Variants in ROBO2 observed in about 807,000 individuals in gnomAD.
ROBO2 encodes roundabout guidance receptor 2.
A neutral mutation model predicts 160.8 loss-of-function variants in ROBO2; 53 were observed. The observed-to-expected ratio is 0.33, with a 90% confidence interval of 0.26 to 0.41. ROBO2 has a LOEUF of 0.41. Among genes scored for constraint, ROBO2 ranks in the 10% least tolerant of loss-of-function variants. The pLI is 1.00. For missense variants in ROBO2, 1,577 were observed against 1,722.4 expected, an observed-to-expected ratio of 0.92 and a Z score of 1.49; for synonymous variants, 664 against 611.7, an observed-to-expected ratio of 1.09 and a Z score of -1.26.
chr3:76,435,914 G>A (rs544388642), intron 2 of ROBO2, among the ~76,000 whole-genome samples: 1 of 152,132 alleles, frequency 6.6e-6, no homozygotes. Flanking sequence ...CGAGGCAGGG[G>A]TTGCACTGGA....
At chr3:77,624,221 ACT>A (rs1288506784) in intron 23 of ROBO2, among the ~76,000 whole-genome samples, 2 of 151,452 alleles carry the variant, frequency 1.3e-5, no homozygotes, top group Non-Finnish European at 2.9e-5. Context: ...CCAAATACAA[ACT>A]CACTTTTTTT....
intron 2 of ROBO2, among the ~76,000 whole-genome samples, chr3:76,206,810 G>A (rs1478921641): frequency 6.6e-6 from 1 of 152,136 alleles, no homozygotes; most frequent in Non-Finnish European, 1.5e-5. Context: ...TGAGAATAGA[G>A]GGTAGTAATG....
chr3:76,847,038 G>A (rs186428267), intron 2 of ROBO2, among the ~76,000 whole-genome samples: 25 of 152,072 alleles, frequency 1.6e-4, no homozygotes, highest in African/African-American at 6.0e-4. Flanking sequence ...AAAACCACTG[G>A]TCTACTTTGT....
At chr3:77,109,251 A>G (rs1283289657) in intron 2 of ROBO2, among the ~76,000 whole-genome samples, 2 of 152,206 alleles carry the variant, frequency 1.3e-5, no homozygotes, top group Admixed American at 1.3e-4. Flanking sequence ...TTTGATGGGT[A>G]TAGAGTTTCA....
intron 2 of ROBO2, among the ~76,000 whole-genome samples, chr3:76,483,588 T>C (rs911202346): frequency 2.0e-5 from 3 of 152,184 alleles, no homozygotes; most frequent in African/African-American, 7.2e-5. Context: ...CATCACACAT[T>C]TGAAGTTACT....
chr3:76,854,041 T>C (rs188721658), intron 2 of ROBO2, among the ~76,000 whole-genome samples: 1,134 of 88,838 alleles, frequency 0.013, 22 homozygotes, highest in African/African-American at 0.041. Context: ...TCTCTCTCTC[T>C]CTCTCTCTCT....
intron 2 of ROBO2, among the ~76,000 whole-genome samples, chr3:75,948,910 T>A (rs1228321381): frequency 1.3e-5 from 2 of 152,148 alleles, no homozygotes; most frequent in Non-Finnish European, 2.9e-5. Context: ...CTGGTTAACA[T>A]CTGTTAGGAC....
intron 2 of ROBO2, among the ~76,000 whole-genome samples, chr3:76,645,842 A>G (rs2109791417): frequency 6.6e-6 from 1 of 152,330 alleles, no homozygotes; most frequent in Non-Finnish European, 1.5e-5. Flanking sequence ...AACAATTACT[A>G]CAGTATGTAT....
intron 2 of ROBO2, among the ~76,000 whole-genome samples, chr3:76,017,987 T>G (rs554954070): frequency 6.6e-6 from 1 of 152,202 alleles, no homozygotes; most frequent in East Asian, 1.9e-4. Flanking sequence ...TTGCCAACAT[T>G]TAGGGAAATT....
intron 2 of ROBO2, among the ~76,000 whole-genome samples, chr3:76,680,078 G>C (rs1361748125): frequency 6.6e-6 from 1 of 152,092 alleles, no homozygotes; most frequent in East Asian, 1.9e-4. Context: ...TGCAAAGAAA[G>C]ATGATTAGAA....
intron 2 of ROBO2, among the ~76,000 whole-genome samples, chr3:76,924,032 CT>C (rs1465964354): frequency 9.2e-5 from 14 of 152,138 alleles, no homozygotes; most frequent in Admixed American, 5.2e-4. Flanking sequence ...TGTTTAATCA[CT>C]TTTTTTCCAC....
chr3:77,427,159 TAACCTGAAAACCACTGG>T (rs2078292466), intron 2 of ROBO2, among the ~76,000 whole-genome samples: 2 of 152,200 alleles, frequency 1.3e-5, no homozygotes. Flanking sequence ...GGGATGAGGT[TAACCTGAAAACCACTGG>T]ATTCAGGATT....
At chr3:76,068,121 G>A (rs1397344117) in intron 2 of ROBO2, among the ~76,000 whole-genome samples, 1 of 152,144 alleles carries the variant, frequency 6.6e-6, no homozygotes, top group African/African-American at 2.4e-5. Flanking sequence ...AAGACGCAAA[G>A]GAACAGAGAA....
intron 2 of ROBO2, among the ~76,000 whole-genome samples, chr3:76,107,831 A>C (rs1390632777): frequency 6.6e-6 from 1 of 152,122 alleles, no homozygotes; most frequent in Non-Finnish European, 1.5e-5. Flanking sequence ...AATGAATTAG[A>C]AACTCAAAGT....
At chr3:76,254,764 A>G (rs1305748609) in intron 2 of ROBO2, among the ~76,000 whole-genome samples, 3 of 151,848 alleles carry the variant, frequency 2.0e-5, no homozygotes, top group Non-Finnish European at 2.9e-5. Flanking sequence ...AGAACAAATA[A>G]AACTGAGGGA....
At chr3:77,611,680 C>T (rs2094646010) in intron 21 of ROBO2, among the ~76,000 whole-genome samples, 2 of 151,990 alleles carry the variant, frequency 1.3e-5, no homozygotes, top group Non-Finnish European at 2.9e-5. Flanking sequence ...CCTTTCCCCA[C>T]AATATCAAAA....
chr3:76,632,550 A>G (rs1247126298), intron 2 of ROBO2, among the ~76,000 whole-genome samples: 1 of 152,234 alleles, frequency 6.6e-6, no homozygotes, highest in Admixed American at 6.5e-5. Context: ...AAAACAATAG[A>G]AAATCATCAA....
At chr3:77,616,086 C>A (rs2094769633) in intron 21 of ROBO2, among the ~76,000 whole-genome samples, 1 of 152,042 alleles carries the variant, frequency 6.6e-6, no homozygotes, top group Admixed American at 6.6e-5. Flanking sequence ...AACAAATAAT[C>A]TCAATATAAT....
At chr3:76,995,463 C>T (rs1230264002) in intron 2 of ROBO2, among the ~76,000 whole-genome samples, 2 of 152,116 alleles carry the variant, frequency 1.3e-5, no homozygotes, top group Non-Finnish European at 2.9e-5. Flanking sequence ...TGAGTATATA[C>T]CCAGTAATGG....
Sources: gnomAD v4.1 joint callset for allele counts (sites outside exome capture counted in the v4.1 genomes callset) on GRCh38, gnomAD v4.1.1 for gene constraint, MANE v1.5 for transcripts, NCBI Gene and HGNC (gene_info 2026-07-23, HGNC 2026-07-21) for gene names.